The following GUCY1A2 variants were observed in gnomAD, a reference collection of about 807,000 sequenced individuals.
GUCY1A2 encodes guanylate cyclase soluble subunit alpha-2.
Under a neutral mutation model 63.5 loss-of-function variants are expected in GUCY1A2, and 27 were observed. That is an observed-to-expected ratio of 0.43 (90% CI 0.31 to 0.59). GUCY1A2 has a LOEUF of 0.59. GUCY1A2 is among the 20% of genes least tolerant of loss of function. The probability of loss-of-function intolerance (pLI) is 0.11; values close to 1 mark genes in which losing one functional copy is unlikely to be tolerated. For missense variants in GUCY1A2, 768 were observed against 913.3 expected, an observed-to-expected ratio of 0.84 and a Z score of 2.05; for synonymous variants, 364 against 343.5, an observed-to-expected ratio of 1.06 and a Z score of -0.66.
intron 4 of GUCY1A2, among the ~76,000 whole-genome samples, chr11:106,923,574 A>G (rs1226591095): frequency 6.6e-6 from 1 of 151,368 alleles, no homozygotes; most frequent in Non-Finnish European, 1.5e-5. Context: ...GTTTAATGCA[A>G]TATTGCAGCA....
Position 106,683,120 on chromosome 11 carries a change from C to A in GUCY1A2, c.*4429G>T, listed in dbSNP as rs1756954600. 4.6e-6 allele frequency: 1 copy of A among 216,344 alleles called. No individual in the cohort carries two copies. The highest frequency in any genetic ancestry group is 9.3e-6 in the Non-Finnish European group (1 of 107,394). 13.4% of individuals were successfully genotyped at this position (216,344 alleles called of 1,614,324 possible). On this transcript the variant is annotated 3_prime_UTR_variant, in exon 8 of 8. Transcript: ENST00000526355. Reference sequence around the variant, plus strand: ...AGGAACATTCATATCAAGAGCTGCCCATAAATCGTTTAGAAATATGTTAAA... The same window carrying A: ...AGGAACATTCATATCAAGAGCTGCCAATAAATCGTTTAGAAATATGTTAAA...
At chr11:106,794,891 A>G (rs1330811729) in intron 5 of GUCY1A2, among the ~76,000 whole-genome samples, 2 of 152,208 alleles carry the variant, frequency 1.3e-5, no homozygotes, top group Non-Finnish European at 2.9e-5. Flanking sequence ...CCCTTCTTTC[A>G]TAGCAAATTC....
Position 106,690,989 on chromosome 11 carries a change from T to G in GUCY1A2, c.1992-3233A>C, listed in dbSNP as rs368455876. 7.2e-5 allele frequency among the ~76,000 whole-genome samples: 11 copies of G among 152,334 alleles called. No homozygotes were observed. In the East Asian group the frequency reaches 2.1e-3, roughly 29 times the overall value. On this transcript the variant is annotated intron_variant, in intron 7 of 7. Coordinates refer to ENST00000526355, the MANE Select transcript of GUCY1A2 (RefSeq NM_000855.3). Reference sequence around the variant, plus strand: ...CACAAATGTCAATTTTCTTTACTATTAATATATAATCAGTCACTTCAGAAA... The same window carrying G: ...CACAAATGTCAATTTTCTTTACTATGAATATATAATCAGTCACTTCAGAAA...
chr11:106,998,956 T>G (rs546478846), intron 1 of GUCY1A2, among the ~76,000 whole-genome samples: 1 of 152,292 alleles, frequency 6.6e-6, no homozygotes, highest in South Asian at 2.1e-4. Flanking sequence ...GATCTCCAGA[T>G]GGCTGACTGA....
At chr11:106,826,977 C>T in intron 4 of GUCY1A2, 2 of 1,610,602 alleles carry the variant, frequency 1.2e-6, no homozygotes, top group Admixed American at 1.7e-5. Flanking sequence ...AGCCATATAT[C>T]TTTTCATTGG....
intron 2 of GUCY1A2, among the ~76,000 whole-genome samples, chr11:106,983,951 C>G (rs1012937355): frequency 2.0e-5 from 3 of 152,118 alleles, no homozygotes; most frequent in Non-Finnish European, 4.4e-5. Context: ...GCTGTAAACA[C>G]TTTTTAGTTC....
intron 3 of GUCY1A2, among the ~76,000 whole-genome samples, chr11:106,942,465 A>C (rs1243225517): frequency 1.3e-5 from 2 of 152,214 alleles, no homozygotes; most frequent in Admixed American, 1.3e-4. Context: ...TCCAGTTATG[A>C]AATTCTTATT....
chr11:106,985,323 T>G (rs1315910800), intron 2 of GUCY1A2, among the ~76,000 whole-genome samples: 1 of 152,248 alleles, frequency 6.6e-6, no homozygotes, highest in African/African-American at 2.4e-5. Flanking sequence ...CTAGATTGCA[T>G]GAGTAGGTAA....
In GUCY1A2 at chr11:106,680,522, C is replaced by A. The variant is rs1862414720; in HGVS notation, c.*7027G>T. 4 of 197,954 alleles carry A rather than the reference C, an allele frequency of 2.0e-5. No homozygotes were observed. In the South Asian group the frequency reaches 7.7e-4, roughly 38 times the overall value. 12.3% of individuals were successfully genotyped at this position (197,954 alleles called of 1,614,324 possible). ...ACTTAAGTCTAATATAAAGAATGAT[C>A]TGATCAGCAACTAGCTGAATTAACT... is the stretch of plus-strand genomic sequence containing the variant. On this transcript the variant is annotated 3_prime_UTR_variant, in exon 8 of 8. Coordinates refer to ENST00000526355, the MANE Select transcript of GUCY1A2 (RefSeq NM_000855.3).
chr11:106,982,767 AC>A (rs902896609), intron 2 of GUCY1A2, among the ~76,000 whole-genome samples: 2 of 152,240 alleles, frequency 1.3e-5, no homozygotes, highest in African/African-American at 4.8e-5. Flanking sequence ...AAGTTGAGAA[AC>A]CAACAGAAGG....
At chr11:106,900,873 T>G (rs535000873) in intron 4 of GUCY1A2, among the ~76,000 whole-genome samples, 1 of 152,362 alleles carries the variant, frequency 6.6e-6, no homozygotes, top group East Asian at 1.9e-4. Flanking sequence ...TTCAGCAACT[T>G]GTAATCCTTC....
chr11:106,890,602 C>T (rs1306355264), intron 4 of GUCY1A2, among the ~76,000 whole-genome samples: 1 of 152,156 alleles, frequency 6.6e-6, no homozygotes, highest in African/African-American at 2.4e-5. Flanking sequence ...CAAAATTTTT[C>T]CTGCTGGCCA....
Position 107,011,828 on chromosome 11 carries a change from T to C in GUCY1A2, c.303+5925A>G, listed in dbSNP as rs527711776. On this transcript the variant is annotated intron_variant, in intron 1 of 7. Coordinates refer to ENST00000526355, the MANE Select transcript of GUCY1A2 (RefSeq NM_000855.3). ...AAAGAAAGCCTAGCAATTGAACCAATAGCCAAACAAGAAGGCAGCACCATA... is the reference window on the plus strand; with the variant it reads ...AAAGAAAGCCTAGCAATTGAACCAACAGCCAAACAAGAAGGCAGCACCATA... Among the ~76,000 whole-genome samples, 112 of 149,740 alleles carry C rather than the reference T, an allele frequency of 7.5e-4. 1 individual carries two copies. Among genetic ancestry groups the C allele is most frequent in the Admixed American group, 3.5e-3 (52 of 15,040 alleles).
At chr11:106,748,291 C>CAACA (rs1863824501) in intron 6 of GUCY1A2, among the ~76,000 whole-genome samples, 1 of 151,472 alleles carries the variant, frequency 6.6e-6, no homozygotes, top group Admixed American at 6.6e-5. Flanking sequence ...ACTGTCAAAA[C>CAACA]AACCTGAAAC....
At chr11:106,873,162 T>C (rs112486905) in intron 4 of GUCY1A2, among the ~76,000 whole-genome samples, 24,899 of 152,202 alleles carry the variant, frequency 0.16, 2,471 homozygotes, top group East Asian at 0.28. Context: ...CTTTATCCGG[T>C]CTATCATTGA....
At chr11:106,894,247 G>C (rs1860014375) in intron 4 of GUCY1A2, among the ~76,000 whole-genome samples, 1 of 152,128 alleles carries the variant, frequency 6.6e-6, no homozygotes. Context: ...TTTCCAGAAA[G>C]ACATAACAAT....
intron 6 of GUCY1A2, among the ~76,000 whole-genome samples, chr11:106,709,467 A>AT (rs1863005930): frequency 1.1e-5 from 1 of 87,712 alleles, no homozygotes; most frequent in African/African-American, 5.0e-5. Flanking sequence ...TTTATAGAAT[A>AT]ATATATATTA....
chr11:106,700,926 G>GTA (rs1862807200), intron 7 of GUCY1A2, among the ~76,000 whole-genome samples: 1 of 151,802 alleles, frequency 6.6e-6, no homozygotes, highest in South Asian at 2.1e-4. Context: ...TCTCATCCTT[G>GTA]TATAATAATT....
chr11:106,922,034 A>G (rs1225788911), intron 4 of GUCY1A2, among the ~76,000 whole-genome samples: 2 of 152,168 alleles, frequency 1.3e-5, no homozygotes, highest in Non-Finnish European at 2.9e-5. Context: ...ATTCTATACA[A>G]TTTGAAAAAG....
Sources: gnomAD v4.1 joint callset for allele counts (sites outside exome capture counted in the v4.1 genomes callset) on GRCh38, gnomAD v4.1.1 for gene constraint, MANE v1.5 for transcripts, NCBI Gene and HGNC (gene_info 2026-07-23, HGNC 2026-07-21) for gene names.